SPINK13: variants seen among roughly 807,000 people sequenced by gnomAD.
SPINK13 encodes serine peptidase inhibitor Kazal type 13, also known as serine protease inhibitor Kazal-type 13.
In SPINK13, 11 loss-of-function variants were observed where a neutral mutation model predicts 11.0. The observed-to-expected ratio is 1.00, with a 90% CI of 0.63 to 1.65. The LOEUF is 1.65. Among genes scored for constraint, SPINK13 ranks in the 40% most tolerant of loss-of-function variants. SPINK13 has a pLI of 0.00. For missense variants in SPINK13, 113 were observed against 117.7 expected (o/e 0.96, Z 0.19); for synonymous variants, 31 against 35.6 (o/e 0.87, Z 0.46).
chr5:148,282,347 C>T (rs1461793272), intron 4 of SPINK13, 116 bp downstream of exon 4: 22 of 1,289,382 alleles, frequency 1.7e-5, no homozygotes, highest in Non-Finnish European at 2.2e-5. Flanking sequence ...AAAAAATAGC[C>T]TCATTATTTA....
At position 148,286,146 on chromosome 5, in the gene SPINK13, A is replaced by G; in HGVS notation, c.*98A>G. 1 of 721,726 alleles carries G rather than the reference A, an allele frequency of 1.4e-6. No individual in the cohort carries two copies. The highest frequency in any genetic ancestry group is 2.1e-6 in the Non-Finnish European group (1 of 476,390). 44.7% of individuals were successfully genotyped at this position (721,726 alleles called of 1,614,324 possible). On this transcript the variant is annotated 3_prime_UTR_variant, in exon 5 of 5. Transcript: ENST00000398450. The stretch of plus-strand genomic sequence containing the variant: ...AGAATGTAAATTAAATAACATCCCT[A>G]TGCTGTACTTAAATGTCGAACAAAA...
intron 3 of SPINK13, 131 bp from the exon 4 acceptor site, chr5:148,281,973 C>A: frequency 7.7e-7 from 1 of 1,291,878 alleles, no homozygotes; most frequent in Non-Finnish European, 1.1e-6. Context: ...GGCCACAGAA[C>A]AGTGAATCCT....
chr5:148,276,109 T>A (rs1378046548), intron 3 of SPINK13, among the ~76,000 whole-genome samples: 1 of 152,234 alleles, frequency 6.6e-6, no homozygotes, highest in Non-Finnish European at 1.5e-5. Context: ...TTGAAAAATG[T>A]CTGTTCATAT....
At chr5:148,273,035 A>G (rs1192778610) in intron 2 of SPINK13, among the ~76,000 whole-genome samples, 1 of 152,160 alleles carries the variant, frequency 6.6e-6, no homozygotes, top group Non-Finnish European at 1.5e-5. Flanking sequence ...GTATTTCCAT[A>G]TAGTTTTAAT....
At chr5:148,275,995 T>C (rs943488618) in intron 3 of SPINK13, among the ~76,000 whole-genome samples, 1 of 152,292 alleles carries the variant, frequency 6.6e-6, no homozygotes, top group East Asian at 1.9e-4. Flanking sequence ...CCATTCTAAC[T>C]GGTGTGAGAT....
chr5:148,283,540 G>A (rs1005597294), intron 4 of SPINK13, among the ~76,000 whole-genome samples: 3 of 152,134 alleles, frequency 2.0e-5, no homozygotes, highest in African/African-American at 7.2e-5. Flanking sequence ...TGCTTTCAAT[G>A]AGGATTATTC....
At chr5:148,274,737 C>T (rs959152925) in intron 3 of SPINK13, among the ~76,000 whole-genome samples, 1 of 151,794 alleles carries the variant, frequency 6.6e-6, no homozygotes, top group Non-Finnish European at 1.5e-5. Flanking sequence ...AGAGTGAAAC[C>T]CTGTCTATAA....
At chr5:148,271,062 A>G (rs757105211) in intron 2 of SPINK13, 2 of 152,254 alleles carry the variant, frequency 1.3e-5, no homozygotes, top group Non-Finnish European at 2.9e-5. Flanking sequence ...TACAACAGCA[A>G]TAAGAAAATA....
chr5:148,282,154 C>T lies in SPINK13; in HGVS notation c.159C>T (p.Cys53=). 6.2e-7 allele frequency: 1 copy of T among 1,614,162 alleles called. No individual in the cohort carries two copies. Among genetic ancestry groups the T allele is most frequent in the Non-Finnish European group, 8.5e-7 (1 of 1,180,014 alleles). ...IPLDPDYNAD[C]PNVTAPVCAS... Reference sequence around the variant, plus strand: ...TGGACCCTGATTACAATGCAGACTGCCCCAATGTGACAGCACCTGTTTGTG... The same window carrying T: ...TGGACCCTGATTACAATGCAGACTGTCCCAATGTGACAGCACCTGTTTGTG... Residue 53 remains cysteine, a synonymous_variant, in exon 4 of 5, where the codon TGC becomes TGT. Transcript: ENST00000398450.
chr5:148,270,044 T>C lies in SPINK13; in HGVS notation c.-29T>C, dbSNP rs776955749. 56 of 1,611,206 alleles carry C rather than the reference T, an allele frequency of 3.5e-5. No homozygotes were observed. In the East Asian group the frequency reaches 1.2e-3, roughly 36 times the overall value. Reference sequence around the variant, plus strand: ...CAATCTTGGGCATGTTCACAGGCCTTATCAAAGAAGAGTCTTATATGAGAT... The same window carrying C: ...CAATCTTGGGCATGTTCACAGGCCTCATCAAAGAAGAGTCTTATATGAGAT... On this transcript the variant is annotated 5_prime_UTR_variant, in exon 2 of 5. Coordinates refer to ENST00000398450, the MANE Select transcript of SPINK13 (RefSeq NM_001040129.3).
At position 148,284,136 on chromosome 5, in the gene SPINK13, TTCATCAATTCCTTCC is replaced by T. The variant is rs1561753783; in HGVS notation, c.237-1862_237-1848del. On this transcript the variant is annotated intron_variant, in intron 4 of 4. Coordinates refer to ENST00000398450, the MANE Select transcript of SPINK13 (RefSeq NM_001040129.3). ...TCCCTCCCTTTCCTTCCTCTCTTCCTTCATCAATTCCTTCCTTCTTTCCTTCCTTCCTTCTTTCCT... is the reference window on the plus strand; with the variant it reads ...TCCCTCCCTTTCCTTCCTCTCTTCCTTTCTTTCCTTCCTTCCTTCTTTCCT... Among the ~76,000 whole-genome samples the T allele has an allele frequency of 8.3e-4, 114 of 136,768 alleles. 1 individual carries two copies. The highest frequency in any genetic ancestry group is 3.7e-3 in the African/African-American group (114 of 30,796). The allele number at this position is 136,768 out of a possible 152,430, so 89.7% of individuals were successfully genotyped here.
intron 4 of SPINK13, 142 bp from the exon 5 acceptor site, chr5:148,285,858 G>GA (rs377666874): frequency 0.051 from 19,701 of 382,694 alleles, 135 homozygotes; most frequent in African/African-American, 0.082. Context: ...AAACAAAAAT[G>GA]AAAAAAAAAA....
rs1313883395 is a variant in SPINK13 at position 148,286,215 on chromosome 5, T to C, written c.*167T>C. On this transcript the variant is annotated 3_prime_UTR_variant, in exon 5 of 5. Coordinates refer to ENST00000398450, the MANE Select transcript of SPINK13 (RefSeq NM_001040129.3). ...GAATCAAACTGACAAGAACCAAATATCACATTTGTTACAAATAAACAACAA... is the reference window on the plus strand; with the variant it reads ...GAATCAAACTGACAAGAACCAAATACCACATTTGTTACAAATAAACAACAA... 2.6e-6 allele frequency: 1 copy of C among 380,444 alleles called. No individual in the cohort carries two copies. The highest frequency in any genetic ancestry group is 4.8e-6 in the Non-Finnish European group (1 of 209,892). The allele number at this position is 380,444 out of a possible 1,614,324, so 23.6% of individuals were successfully genotyped here. A position where few individuals can be genotyped will look rare whatever the true frequency, so the allele number is the denominator to read the frequency against.
chr5:148,270,186 T>C, intron 2 of SPINK13, 44 bp downstream of exon 2: 1 of 1,591,420 alleles, frequency 6.3e-7, no homozygotes. Flanking sequence ...CTGATTTTCT[T>C]AAAGTTATAG....
chr5:148,277,525 T>C (rs1284378569), intron 3 of SPINK13, among the ~76,000 whole-genome samples: 1 of 152,214 alleles, frequency 6.6e-6, no homozygotes, highest in African/African-American at 2.4e-5. Flanking sequence ...TCTGCACCTA[T>C]TGAGATAATC....
intron 2 of SPINK13, among the ~76,000 whole-genome samples, chr5:148,273,149 G>T (rs1386913254): frequency 6.6e-6 from 1 of 152,004 alleles, no homozygotes; most frequent in Non-Finnish European, 1.5e-5. Context: ...ATATTTGCAT[G>T]CATATTGTCT....
chr5:148,284,228 CTTCT>C (rs1741056852), intron 4 of SPINK13, among the ~76,000 whole-genome samples: 1 of 143,270 alleles, frequency 7.0e-6, no homozygotes. Context: ...TCCTTCCTAC[CTTCT>C]TTCTTCCTTC....
Position 148,282,558 on chromosome 5 carries a change from T to C in SPINK13, c.236+327T>C, listed in dbSNP as rs555256791. 7.8e-4 allele frequency among the ~76,000 whole-genome samples: 119 copies of C among 151,660 alleles called. 1 individual carries two copies. Among genetic ancestry groups the C allele is most frequent in the African/African-American group, 2.9e-3 (119 of 40,946 alleles). The stretch of plus-strand genomic sequence containing the variant: ...TAGTTATTTAAAAAAAACACTGAAC[T>C]TTTTTTATATGTCACATTGACAAAC... On this transcript the variant is annotated intron_variant, in intron 4 of 4. Coordinates refer to ENST00000398450, the MANE Select transcript of SPINK13 (RefSeq NM_001040129.3).
intron 3 of SPINK13, among the ~76,000 whole-genome samples, chr5:148,280,412 C>T (rs1756495155): frequency 6.6e-6 from 1 of 152,128 alleles, no homozygotes; most frequent in Non-Finnish European, 1.5e-5. Flanking sequence ...TTTTCCTCAT[C>T]TTTGTGGATT....
Sources: allele counts gnomAD v4.1 joint callset (sites outside exome capture counted in the v4.1 genomes callset), GRCh38; gene constraint gnomAD v4.1.1; transcripts MANE v1.5; gene names NCBI Gene and HGNC (gene_info 2026-07-23, HGNC 2026-07-21).